The following NEUROD4 variants were observed in gnomAD, a reference collection of about 807,000 sequenced individuals.
The protein encoded by NEUROD4 is neurogenic differentiation factor 4.
A neutral mutation model predicts 19.8 loss-of-function variants in NEUROD4; 16 were observed. The observed-to-expected ratio is 0.81, with a 90% confidence interval of 0.55 to 1.23. The LOEUF (loss-of-function observed/expected upper bound fraction) is 1.23. NEUROD4 is among the 50% of genes most tolerant of loss of function. NEUROD4 has a pLI of 0.00. For missense variants in NEUROD4, 439 were observed against 398.6 expected (o/e 1.10, Z -0.86); for synonymous variants, 153 against 147.9 (o/e 1.03, Z -0.25).
rs1346383959 is a variant in NEUROD4 at position 55,027,652 on chromosome 12, AT to A, written c.*218del. On this transcript the variant is annotated 3_prime_UTR_variant, in exon 2 of 2. Transcript: ENST00000242994. Reference sequence around the variant, plus strand: ...TAGAGTCCTCAAGTGAAAATATTTGATGATTTAACAACCATGTGAAAATAGA... The same window carrying A: ...TAGAGTCCTCAAGTGAAAATATTTGAGATTTAACAACCATGTGAAAATAGA... The A allele has an allele frequency of 2.5e-5, 12 of 478,394 alleles. No homozygotes were observed. The highest frequency in any genetic ancestry group is 3.8e-5 in the Non-Finnish European group (10 of 266,258). 29.6% of individuals were successfully genotyped at this position (478,394 alleles called of 1,614,324 possible). A position where few individuals can be genotyped will look rare whatever the true frequency, so the allele number is the denominator to read the frequency against.
chr12:55,022,286 T>G (rs1235190668), intron 1 of NEUROD4, among the ~76,000 whole-genome samples: 1 of 152,092 alleles, frequency 6.6e-6, no homozygotes, highest in African/African-American at 2.4e-5. Context: ...GAAAGCAACA[T>G]TAGATTTAGG....
chr12:55,021,833 G>A (rs1446220085), intron 1 of NEUROD4, among the ~76,000 whole-genome samples: 1 of 152,116 alleles, frequency 6.6e-6, no homozygotes, highest in African/African-American at 2.4e-5. Context: ...AGACCAGAAT[G>A]TGTTTATGTG....
At chr12:55,025,792 T>C (rs1320197882) in intron 1 of NEUROD4, among the ~76,000 whole-genome samples, 1 of 152,190 alleles carries the variant, frequency 6.6e-6, no homozygotes, top group Admixed American at 6.5e-5. Flanking sequence ...AGGAGATGAT[T>C]GAGGCCACCA....
rs1188994079 is a variant in NEUROD4, at chr12:55,028,539, C to T, written c.*1104C>T. The T allele has an allele frequency of 1.2e-5, 2 of 166,866 alleles. No individual in the cohort carries two copies. Among genetic ancestry groups the T allele is most frequent in the Non-Finnish European group, 1.5e-5 (1 of 68,066 alleles). The allele number at this position is 166,866 out of a possible 1,614,324, so 10.3% of individuals were successfully genotyped here. ...GCAAGATGAATTTCATTTGGTTAAA[C>T]GTGATTAAAACCATCCACCTCTGTC... is the stretch of plus-strand genomic sequence containing the variant. On this transcript the variant is annotated 3_prime_UTR_variant, in exon 2 of 2. Transcript: ENST00000242994.
At chr12:55,021,343 G>A (rs1952672272) in intron 1 of NEUROD4, among the ~76,000 whole-genome samples, 2 of 152,174 alleles carry the variant, frequency 1.3e-5, no homozygotes, top group South Asian at 4.1e-4. Flanking sequence ...AAAGAATTTA[G>A]TCTATTTAGT....
chr12:55,020,533 A>G (rs1443212130), intron 1 of NEUROD4, among the ~76,000 whole-genome samples: 1 of 152,246 alleles, frequency 6.6e-6, no homozygotes, highest in Non-Finnish European at 1.5e-5. Flanking sequence ...TGCCACCCAA[A>G]GTGAAACACA....
rs1465371104 is a variant in NEUROD4, at chr12:55,028,966, G to C, written c.*1531G>C. On this transcript the variant is annotated 3_prime_UTR_variant, in exon 2 of 2. Coordinates refer to ENST00000242994, the MANE Select transcript of NEUROD4 (RefSeq NM_021191.3). The stretch of plus-strand genomic sequence containing the variant: ...CAGGACAGTTATTTAAGTCAAACCA[G>C]AGCCTGAATGGCTTATTTGATAGTA... The C allele has an allele frequency of 6.0e-6, 1 of 166,922 alleles. No homozygotes were observed. The highest frequency in any genetic ancestry group is 1.5e-5 in the Non-Finnish European group (1 of 68,100). The allele number at this position is 166,922 out of a possible 1,614,324, so 10.3% of individuals were successfully genotyped here. A position where few individuals can be genotyped will look rare whatever the true frequency, so the allele number is the denominator to read the frequency against.
intron 1 of NEUROD4, among the ~76,000 whole-genome samples, 185 bp downstream of exon 1, chr12:55,020,498 TAATTTTATTAAA>T (rs1456540942): frequency 6.6e-6 from 1 of 152,230 alleles, no homozygotes; most frequent in Non-Finnish European, 1.5e-5. Flanking sequence ...ACATTTTAAA[TAATTTTATTAAA>T]TTTTATAGCA....
At position 55,028,801 on chromosome 12, in the gene NEUROD4, A is replaced by G. The variant is rs1952762777; in HGVS notation, c.*1366A>G. ...TATTTTTACCAACTATGTCTTCATC[A>G]CAGGTTTAACCCAATTTGCAGAGTG... On this transcript the variant is annotated 3_prime_UTR_variant, in exon 2 of 2. Transcript: ENST00000242994. 1 of 167,084 alleles carries G rather than the reference A, an allele frequency of 6.0e-6. No homozygotes were observed. The highest frequency in any genetic ancestry group is 1.5e-5 in the Non-Finnish European group (1 of 68,096). The allele number at this position is 167,084 out of a possible 1,614,324, so 10.4% of individuals were successfully genotyped here.
At chr12:55,024,584 G>A (rs1181954273) in intron 1 of NEUROD4, among the ~76,000 whole-genome samples, 3 of 152,188 alleles carry the variant, frequency 2.0e-5, no homozygotes, top group African/African-American at 7.2e-5. Flanking sequence ...CCTGCCTCTG[G>A]AAGAGCTGTG....
In NEUROD4 at chr12:55,028,477, A is replaced by G. The variant is rs1952758288; in HGVS notation, c.*1042A>G. On this transcript the variant is annotated 3_prime_UTR_variant, in exon 2 of 2. Coordinates refer to ENST00000242994, the MANE Select transcript of NEUROD4 (RefSeq NM_021191.3). ...AGTTCAGGGACTCTCTCCAGCTCAC[A>G]GTTGCCCATGGGAAAAACCAATGGA... 6.0e-6 allele frequency: 1 copy of G among 167,080 alleles called. No individual in the cohort carries two copies. Among genetic ancestry groups the G allele is most frequent in the Non-Finnish European group, 1.5e-5 (1 of 68,100 alleles). 10.3% of individuals were successfully genotyped at this position (167,080 alleles called of 1,614,324 possible).
rs1952664654 is a variant in NEUROD4, at chr12:55,020,065, T to A, written c.-258T>A. On this transcript the variant is annotated 5_prime_UTR_variant, in exon 1 of 2. Coordinates refer to ENST00000242994, the MANE Select transcript of NEUROD4 (RefSeq NM_021191.3). ...AGGAGGTACTGAAGAGCGACTAAAC[T>A]GGCTGCAGCGGAGAGATCAGCCCGA... 3 of 152,336 alleles carry A rather than the reference T, an allele frequency of 2.0e-5. No homozygotes were observed. The allele number at this position is 152,336 out of a possible 1,614,324, so 9.4% of individuals were successfully genotyped here. A position where few individuals can be genotyped will look rare whatever the true frequency, so the allele number is the denominator to read the frequency against.
At chr12:55,025,828 G>A (rs991904540) in intron 1 of NEUROD4, among the ~76,000 whole-genome samples, 17 of 152,140 alleles carry the variant, frequency 1.1e-4, no homozygotes, top group Admixed American at 5.2e-4. Context: ...GAGAAACATC[G>A]GGTATTATAG....
chr12:55,024,149 G>T (rs1355368956), intron 1 of NEUROD4, among the ~76,000 whole-genome samples: 4 of 152,122 alleles, frequency 2.6e-5, no homozygotes, highest in African/African-American at 9.7e-5. Context: ...GAAAAAGGGG[G>T]AGGATGAGGA....
chr12:55,021,410 C>T (rs575273185), intron 1 of NEUROD4, among the ~76,000 whole-genome samples: 31 of 152,206 alleles, frequency 2.0e-4, no homozygotes, highest in East Asian at 1.7e-3. Flanking sequence ...ATTTAGTCAT[C>T]GGATCAGGAG....
At position 55,027,634 on chromosome 12, in the gene NEUROD4, C is replaced by T. The variant is rs1293085043; in HGVS notation, c.*199C>T. 10 of 515,112 alleles carry T rather than the reference C, an allele frequency of 1.9e-5. No homozygotes were observed. Among genetic ancestry groups the T allele is most frequent in the African/African-American group, 1.4e-4 (7 of 50,680 alleles). The allele number at this position is 515,112 out of a possible 1,614,324, so 31.9% of individuals were successfully genotyped here. A position where few individuals can be genotyped will look rare whatever the true frequency, so the allele number is the denominator to read the frequency against. On this transcript the variant is annotated 3_prime_UTR_variant, in exon 2 of 2. Coordinates refer to ENST00000242994, the MANE Select transcript of NEUROD4 (RefSeq NM_021191.3). ...ATTGCATTGATTTCTTTATAGAGTC[C>T]TCAAGTGAAAATATTTGATGATTTA... is the stretch of plus-strand genomic sequence containing the variant.
intron 1 of NEUROD4, among the ~76,000 whole-genome samples, chr12:55,024,774 CA>C (rs1952708330): frequency 6.6e-6 from 1 of 152,138 alleles, no homozygotes. Flanking sequence ...GCTGCTTACC[CA>C]GGAAGCCTTA....
chr12:55,027,567 GCTTTC>G lies in NEUROD4; in HGVS notation c.*136_*140del. On this transcript the variant is annotated 3_prime_UTR_variant, in exon 2 of 2. Coordinates refer to ENST00000242994, the MANE Select transcript of NEUROD4 (RefSeq NM_021191.3). ...CAAACAATAGTTCAAGTCCATTTAG[GCTTTC>G]CTTCACCTATCACCTCTTTTCTCAT... 1 of 860,100 alleles carries G rather than the reference GCTTTC, an allele frequency of 1.2e-6. No homozygotes were observed. The highest frequency in any genetic ancestry group is 1.8e-6 in the Non-Finnish European group (1 of 547,530). The allele number at this position is 860,100 out of a possible 1,614,324, so 53.3% of individuals were successfully genotyped here.
At position 55,029,528 on chromosome 12, in the gene NEUROD4, A is replaced by G. The variant is rs1011801902; in HGVS notation, c.*2093A>G. 3 of 167,014 alleles carry G rather than the reference A, an allele frequency of 1.8e-5. No individual in the cohort carries two copies. The highest frequency in any genetic ancestry group is 2.9e-5 in the Non-Finnish European group (2 of 68,108). 10.3% of individuals were successfully genotyped at this position (167,014 alleles called of 1,614,324 possible). ...TTTATTTCTCTCTTCCTTTCACGAAAATTCCTTTAGCCCCATAGATGTGCT... is the reference window on the plus strand; with the variant it reads ...TTTATTTCTCTCTTCCTTTCACGAAGATTCCTTTAGCCCCATAGATGTGCT... On this transcript the variant is annotated 3_prime_UTR_variant, in exon 2 of 2. Transcript: ENST00000242994.
Sources: gnomAD v4.1 joint callset for allele counts (sites outside exome capture counted in the v4.1 genomes callset) on GRCh38, gnomAD v4.1.1 for gene constraint, MANE v1.5 for transcripts, NCBI Gene and HGNC (gene_info 2026-07-23, HGNC 2026-07-21) for gene names.